Variants in DRD2 observed in about 807,000 individuals in gnomAD.
DRD2 encodes the protein dopamine receptor D2, also known as D(2) dopamine receptor.
DRD2 carries 8 observed loss-of-function variants against 38.0 expected under a neutral mutation model. The observed-to-expected ratio is 0.21, with a 90% CI of 0.12 to 0.38. The LOEUF is 0.38. Among genes scored for constraint, DRD2 ranks in the 10% least tolerant of loss-of-function variants. DRD2 has a pLI of 1.00. For missense variants in DRD2, 403 were observed against 607.7 expected, an observed-to-expected ratio of 0.66 and a Z score of 3.54; for synonymous variants, 230 against 238.6, an observed-to-expected ratio of 0.96 and a Z score of 0.33.
chr11:113,455,333 G>T (rs1951259156), intron 1 of DRD2, among the ~76,000 whole-genome samples: 1 of 152,144 alleles, frequency 6.6e-6, no homozygotes, highest in Admixed American at 6.5e-5. Context: ...CAGCACTCCA[G>T]CCTGGGTGAC....
intron 1 of DRD2, among the ~76,000 whole-genome samples, chr11:113,461,436 C>T (rs562294159): frequency 6.6e-6 from 1 of 152,332 alleles, no homozygotes; most frequent in East Asian, 1.9e-4. Context: ...TGCCTCCACC[C>T]CACACATCAG....
chr11:113,449,504 C>T (rs1332151548), intron 1 of DRD2, among the ~76,000 whole-genome samples: 2 of 152,186 alleles, frequency 1.3e-5, no homozygotes, highest in Non-Finnish European at 2.9e-5. Context: ...GTCCTTCCAA[C>T]ATGAGCAGAT....
At chr11:113,458,417 G>T (rs1289445267) in intron 1 of DRD2, among the ~76,000 whole-genome samples, 2 of 152,038 alleles carry the variant, frequency 1.3e-5, no homozygotes, top group Admixed American at 1.3e-4. Flanking sequence ...GAGAGAAAAG[G>T]TTGTGTTTAC....
chr11:113,435,035 T>G (rs1951022968), intron 1 of DRD2, among the ~76,000 whole-genome samples: 1 of 152,222 alleles, frequency 6.6e-6, no homozygotes, highest in African/African-American at 2.4e-5. Flanking sequence ...CCCCGCTCTC[T>G]GCTTCTTCCC....
intron 1 of DRD2, among the ~76,000 whole-genome samples, chr11:113,467,045 G>A (rs1951377043): frequency 6.6e-6 from 1 of 152,134 alleles, no homozygotes. Flanking sequence ...CCACCGTGGT[G>A]CGGGGGCAGG....
intron 1 of DRD2, among the ~76,000 whole-genome samples, chr11:113,429,999 C>T (rs1376801043): frequency 2.0e-5 from 3 of 152,192 alleles, no homozygotes; most frequent in African/African-American, 7.2e-5. Context: ...GCAATCAGAC[C>T]ACAAGCCAAC....
intron 1 of DRD2, among the ~76,000 whole-genome samples, chr11:113,440,318 T>C (rs532963250): frequency 1.1e-4 from 16 of 152,372 alleles, no homozygotes; most frequent in Admixed American, 9.1e-4. Flanking sequence ...CTCCCTCTCT[T>C]TCTGTCCTCT....
chr11:113,433,742 G>C (rs895498519), intron 1 of DRD2, among the ~76,000 whole-genome samples: 1 of 152,176 alleles, frequency 6.6e-6, no homozygotes, highest in Admixed American at 6.5e-5. Context: ...GCTGGAGCCA[G>C]AGAGTGGCTA....
chr11:113,419,446 GCACACACA>G (rs3060174), intron 2 of DRD2, among the ~76,000 whole-genome samples: 4 of 133,400 alleles, frequency 3.0e-5, no homozygotes, highest in East Asian at 2.3e-4. Context: ...ATGCACACAG[GCACACACA>G]CACACACACA....
chr11:113,434,582 G>A (rs1244554053), intron 1 of DRD2, among the ~76,000 whole-genome samples: 6 of 152,204 alleles, frequency 3.9e-5, no homozygotes, highest in Non-Finnish European at 7.3e-5. Context: ...GGAAAAAGAA[G>A]AAGAGGCACA....
At chr11:113,474,458 G>A (rs1262196518) in intron 1 of DRD2, 1 of 152,064 alleles carries the variant, frequency 6.6e-6, no homozygotes, top group Non-Finnish European at 1.5e-5. Context: ...CTCCCTCCCC[G>A]ACTAGGTGTC....
At chr11:113,444,189 C>T (rs1951119447) in intron 1 of DRD2, among the ~76,000 whole-genome samples, 1 of 152,192 alleles carries the variant, frequency 6.6e-6, no homozygotes, top group South Asian at 2.1e-4. Context: ...GCATGCACCA[C>T]CACACCCAAC....
At chr11:113,460,963 C>T (rs752259595) in intron 1 of DRD2, among the ~76,000 whole-genome samples, 14 of 152,374 alleles carry the variant, frequency 9.2e-5, no homozygotes, top group Non-Finnish European at 1.8e-4. Context: ...CCTCACCTAT[C>T]ACAGTGAAGG....
chr11:113,460,284 G>A (rs1198188459), intron 1 of DRD2, among the ~76,000 whole-genome samples: 1 of 152,220 alleles, frequency 6.6e-6, no homozygotes, highest in African/African-American at 2.4e-5. Context: ...CCCAGCCCCA[G>A]CAGCACTTGT....
intron 2 of DRD2, among the ~76,000 whole-genome samples, chr11:113,424,045 C>T (rs1160611189): frequency 6.6e-6 from 1 of 152,180 alleles, no homozygotes; most frequent in Admixed American, 6.5e-5. Context: ...ACATCTCTGA[C>T]CACCTGGTTT....
chr11:113,435,053 C>T (rs1226387638), intron 1 of DRD2, among the ~76,000 whole-genome samples: 1 of 152,216 alleles, frequency 6.6e-6, no homozygotes, highest in Non-Finnish European at 1.5e-5. Flanking sequence ...CCCAAGGTGG[C>T]CAGGTGGCCC....
At chr11:113,467,842 C>T (rs994379448) in intron 1 of DRD2, among the ~76,000 whole-genome samples, 19 of 152,206 alleles carry the variant, frequency 1.2e-4, no homozygotes, top group Non-Finnish European at 2.5e-4. Flanking sequence ...ACCCCTATCT[C>T]GCTCAAAATG....
chr11:113,413,132 G>A (rs192266771), intron 6 of DRD2, among the ~76,000 whole-genome samples: 16 of 152,314 alleles, frequency 1.1e-4, no homozygotes. Context: ...TGTTCTGCCA[G>A]GGCTGAATAC....
intron 1 of DRD2, among the ~76,000 whole-genome samples, chr11:113,436,986 CCTGGG>C: frequency 6.6e-6 from 1 of 152,120 alleles, no homozygotes; most frequent in Non-Finnish European, 1.5e-5. Flanking sequence ...CTTTCTATGG[CCTGGG>C]ATCCTTTCTC....
Sources: gnomAD v4.1 joint callset for allele counts (sites outside exome capture counted in the v4.1 genomes callset) on GRCh38, gnomAD v4.1.1 for gene constraint, MANE v1.5 for transcripts, NCBI Gene and HGNC (gene_info 2026-07-23, HGNC 2026-07-21) for gene names.